The following UIMC1 variants were observed in gnomAD, a reference collection of about 807,000 sequenced individuals.
UIMC1 encodes the protein BRCA1-A complex subunit RAP80.
UIMC1 carries 42 observed loss-of-function variants against 84.9 expected under a neutral mutation model. The observed-to-expected ratio is 0.49, with a 90% CI of 0.39 to 0.64. The LOEUF (loss-of-function observed/expected upper bound fraction) is 0.64, where lower values mean the gene tolerates loss of function less well. Ranked by LOEUF, UIMC1 falls within the 30% of genes least tolerant of loss-of-function variation. The pLI, the probability that UIMC1 is intolerant of heterozygous loss-of-function variation, is 0.00. For synonymous variants in UIMC1, 281 were observed against 293.0 expected (o/e 0.96, Z 0.42); for missense variants, 825 against 847.6 (o/e 0.97, Z 0.33).
At chr5:176,999,657 G>A (rs1246231510) in intron 1 of UIMC1, among the ~76,000 whole-genome samples, 1 of 151,960 alleles carries the variant, frequency 6.6e-6, no homozygotes, top group East Asian at 1.9e-4. Context: ...TGCAATGTTT[G>A]TCTTTCTGTG....
intron 1 of UIMC1, among the ~76,000 whole-genome samples, chr5:176,984,420 T>G (rs1427290006): frequency 2.8e-5 from 4 of 140,592 alleles, no homozygotes; most frequent in Non-Finnish European, 6.1e-5. Context: ...CCACCCCGTC[T>G]GGGAAGTGGG....
At chr5:176,950,595 C>T (rs1471524961) in intron 9 of UIMC1, among the ~76,000 whole-genome samples, 4 of 151,434 alleles carry the variant, frequency 2.6e-5, no homozygotes, top group African/African-American at 7.3e-5. Context: ...GAGGACCGGG[C>T]GCGGTGGCTC....
intron 2 of UIMC1, among the ~76,000 whole-genome samples, chr5:176,976,715 C>T (rs1046060502): frequency 6.6e-5 from 10 of 152,246 alleles, no homozygotes. Context: ...ATAAGACATG[C>T]CCAGAATGGG....
chr5:176,987,339 C>T (rs1202629892), intron 1 of UIMC1, among the ~76,000 whole-genome samples: 1 of 151,916 alleles, frequency 6.6e-6, no homozygotes, highest in African/African-American at 2.4e-5. Context: ...ACAATCAAAA[C>T]TGAAATTTTA....
At chr5:176,951,659 C>T in intron 8 of UIMC1, 82 bp from the exon 9 acceptor site, 1 of 1,059,442 alleles carries the variant, frequency 9.4e-7, no homozygotes, top group Non-Finnish European at 1.3e-6. Flanking sequence ...CTATTTTCAC[C>T]TAAAGTTTAG....
intron 1 of UIMC1, among the ~76,000 whole-genome samples, chr5:176,984,436 C>T (rs1275743091): frequency 1.3e-5 from 2 of 148,200 alleles, no homozygotes; most frequent in Admixed American, 6.7e-5. Flanking sequence ...GTGGGGAGCG[C>T]CTCTGCCCGG....
Position 176,982,530 on chromosome 5 carries a change from C to A in UIMC1, c.86G>T (p.Ser29Ile). 2 of 1,614,142 alleles carry A rather than the reference C, an allele frequency of 1.2e-6. No homozygotes were observed. The highest frequency in any genetic ancestry group is 1.7e-6 in the Non-Finnish European group (2 of 1,180,028). Residue 29 changes from serine (S) to isoleucine (I), a missense_variant, in exon 2 of 15, where the codon AGT becomes ATT. Physicochemically the swap from Ser to Ile is moderately radical, Grantham distance 142. Transcript: ENST00000511320. ...CTCAAGTCTACGCTTCCTCTTCACACTGACAGAACTGGTAGTTTCCACATC... is the reference window on the plus strand; with the variant it reads ...CTCAAGTCTACGCTTCCTCTTCACAATGACAGAACTGGTAGTTTCCACATC... ...KKDVETTSSVSVKRKRRLEDA... is the reference protein window; with the variant it reads ...KKDVETTSSVIVKRKRRLEDA...
At chr5:176,925,030 C>CAAAAAAAAAAAAAAAA (rs749987567) in intron 10 of UIMC1, among the ~76,000 whole-genome samples, 2 of 52,966 alleles carry the variant, frequency 3.8e-5, no homozygotes, top group Non-Finnish European at 7.9e-5. Context: ...GACTCTGCCT[C>CAAAAAAAAAAAAAAAA]AAAAAAAAAA....
In UIMC1 at chr5:176,956,037, T is replaced by C; in HGVS notation, c.1263-2A>G. 6.2e-7 allele frequency: 1 copy of C among 1,612,466 alleles called. No individual in the cohort carries two copies. Among genetic ancestry groups the C allele is most frequent in the Non-Finnish European group, 8.5e-7 (1 of 1,179,288 alleles). ...CTCTTACTGGTCAAAGCAGCAACAC[T>C]GAAAGAGAACCAAATCCCAAATGAA... is the stretch of plus-strand genomic sequence containing the variant. On this transcript the variant is annotated splice_acceptor_variant, in intron 7 of 14. Coordinates refer to ENST00000511320, the MANE Select transcript of UIMC1 (RefSeq NM_001199298.2). LOFTEE classifies it high-confidence loss of function.
chr5:176,995,843 C>CAAAAA (rs34672103), intron 1 of UIMC1, among the ~76,000 whole-genome samples: 2 of 79,614 alleles, frequency 2.5e-5, no homozygotes, highest in Non-Finnish European at 4.9e-5. Context: ...AACTCCATCT[C>CAAAAA]AAAAAAAAAA....
intron 1 of UIMC1, among the ~76,000 whole-genome samples, chr5:176,985,388 G>A (rs1422605248): frequency 6.6e-6 from 1 of 151,340 alleles, no homozygotes; most frequent in Non-Finnish European, 1.5e-5. Flanking sequence ...CCCGGGAGGC[G>A]GAGGTTGCAG....
chr5:176,911,642 T>C (rs972555604), intron 10 of UIMC1, among the ~76,000 whole-genome samples: 1 of 152,178 alleles, frequency 6.6e-6, no homozygotes, highest in Admixed American at 6.5e-5. Context: ...GATCTAAAGA[T>C]CTACTCCACA....
chr5:176,982,089 C>A (rs1182242246), intron 2 of UIMC1, among the ~76,000 whole-genome samples: 5 of 152,132 alleles, frequency 3.3e-5, no homozygotes, highest in African/African-American at 9.7e-5. Context: ...TATTTTTAAA[C>A]AGCTACAGAT....
chr5:176,966,365 A>C (rs1421318423), intron 6 of UIMC1, among the ~76,000 whole-genome samples: 3 of 152,244 alleles, frequency 2.0e-5, no homozygotes, highest in African/African-American at 7.2e-5. Flanking sequence ...GCTCAAAAAC[A>C]CACAAATTAC....
chr5:176,947,272 G>T (rs1765242336), intron 9 of UIMC1, among the ~76,000 whole-genome samples: 1 of 152,104 alleles, frequency 6.6e-6, no homozygotes, highest in Admixed American at 6.5e-5. Context: ...GAACCTCAAG[G>T]GGGAAAAAGG....
At chr5:176,943,281 T>C (rs752704018) in intron 10 of UIMC1, 54 bp downstream of exon 10, 1 of 1,593,202 alleles carries the variant, frequency 6.3e-7, no homozygotes, top group East Asian at 2.2e-5. Context: ...TGTATAGGAT[T>C]ATAAAACCAC....
Position 177,000,878 on chromosome 5 carries a change from T to C in UIMC1, c.-9+5772A>G, listed in dbSNP as rs577131941. Among the ~76,000 whole-genome samples, 13 of 152,284 alleles carry C rather than the reference T, an allele frequency of 8.5e-5. No individual in the cohort carries two copies. The East Asian group carries it at 1.5e-3, about 18-fold the overall frequency. ...TTGGATTATTAGATTTTTTTTCCTA[T>C]AGAGTTGAGTTCCTTATACATTCCG... On this transcript the variant is annotated intron_variant, in intron 1 of 14. Transcript: ENST00000511320.
intron 9 of UIMC1, among the ~76,000 whole-genome samples, chr5:176,943,944 T>G (rs1228118202): frequency 1.3e-5 from 2 of 152,188 alleles, no homozygotes; most frequent in Non-Finnish European, 2.9e-5. Flanking sequence ...CCTCAAAAAC[T>G]TGAGGGCACT....
intron 9 of UIMC1, 110 bp from the exon 10 acceptor site, chr5:176,943,598 A>G: frequency 7.5e-7 from 1 of 1,326,024 alleles, no homozygotes; most frequent in Non-Finnish European, 1.0e-6. Flanking sequence ...AGAGACAACA[A>G]CAGCTTATCA....
Sources: allele counts gnomAD v4.1 joint callset (sites outside exome capture counted in the v4.1 genomes callset), GRCh38; gene constraint gnomAD v4.1.1; transcripts MANE v1.5; gene names NCBI Gene and HGNC (gene_info 2026-07-23, HGNC 2026-07-21).